RBM43: variants seen among roughly 807,000 people sequenced by gnomAD.
RBM43 encodes RNA binding motif protein 43.
RBM43 carries 12 observed loss-of-function variants against 12.4 expected under a neutral mutation model. The observed-to-expected ratio is 0.97, with a 90% CI of 0.62 to 1.57. The LOEUF is 1.57. RBM43 is among the 40% of genes most tolerant of loss of function. The pLI is 0.00. For synonymous variants in RBM43, 138 were observed against 145.7 expected, an observed-to-expected ratio of 0.95 and a Z score of 0.38; for missense variants, 348 against 400.1, an observed-to-expected ratio of 0.87 and a Z score of 1.11.
In RBM43 at chr2:151,255,666, A is replaced by G. The variant is rs1368126700; in HGVS notation, c.81T>C (p.Phe27=). 6 of 1,613,720 alleles carry G rather than the reference A, an allele frequency of 3.7e-6. No individual in the cohort carries two copies. Among genetic ancestry groups the G allele is most frequent in the South Asian group, 1.1e-5 (1 of 91,076 alleles). Residue 27 remains phenylalanine, a synonymous_variant, in exon 2 of 4, where the codon TTT becomes TTC. Coordinates refer to ENST00000331426, the MANE Select transcript of RBM43 (RefSeq NM_198557.3). ...CTAATACGGCCAATAATTGATCACT[A>G]AAAAGGTCAACTGGAAGACCAGCAA... is the stretch of plus-strand genomic sequence containing the variant. The part of the protein sequence containing the change: ...VVVAGLPVDL[F]SDQLLAVLVK...
chr2:151,253,038 A>G (rs1400828636), intron 2 of RBM43, among the ~76,000 whole-genome samples, 183 bp from the exon 3 acceptor site: 1 of 152,342 alleles, frequency 6.6e-6, no homozygotes, highest in Non-Finnish European at 1.5e-5. Flanking sequence ...TTTTATGTGT[A>G]AATATTATCC....
chr2:151,261,034 C>T lies in RBM43; in HGVS notation c.3+691G>A, dbSNP rs574645494. On this transcript the variant is annotated intron_variant, in intron 1 of 3. Coordinates refer to ENST00000331426, the MANE Select transcript of RBM43 (RefSeq NM_198557.3). ...ATCAGTTGTTTATTTTCAATGACGA[C>T]GCCTCTACCGCCACCAGGTCAACAA... 9.1e-5 allele frequency: 45 copies of T among 495,312 alleles called. 1 individual carries two copies. The highest frequency in any genetic ancestry group is 6.0e-4 in the Admixed American group (18 of 30,014). 30.7% of individuals were successfully genotyped at this position (495,312 alleles called of 1,614,324 possible).
At chr2:151,259,669 T>G (rs1683022005) in intron 1 of RBM43, among the ~76,000 whole-genome samples, 1 of 151,578 alleles carries the variant, frequency 6.6e-6, no homozygotes, top group Non-Finnish European at 1.5e-5. Context: ...CATTGAAAAT[T>G]TAAATATGGT....
rs751721484 is a variant in RBM43, at chr2:151,251,511, G to C, written c.469C>G (p.Leu157Val). 23 of 1,614,168 alleles carry C rather than the reference G, an allele frequency of 1.4e-5. No individual in the cohort carries two copies. The highest frequency in any genetic ancestry group is 1.9e-5 in the Non-Finnish European group (23 of 1,180,036). Reference protein sequence around the residue: ...NGRISVEGSFLAVKRLRESLL... With the variant: ...NGRISVEGSFVAVKRLRESLL... ...GATTCTCTGAGCCTCTTGACAGCCA[G>C]AAATGATCCTTCCACGGAGATTCTT... The change falls in exon 4 of 4, where the codon CTG becomes GTG. Residue 157 changes from leucine (L) to valine (V), a missense_variant. Physicochemically the swap from Leu to Val is conservative, Grantham distance 32. Transcript: ENST00000331426.
intron 1 of RBM43, chr2:151,260,923 A>G (rs1683038082): frequency 6.8e-6 from 2 of 295,858 alleles, no homozygotes; most frequent in South Asian, 6.8e-5. Context: ...CAAAAAGTAT[A>G]TAGCAAAACT....
Position 151,250,835 on chromosome 2 carries a change from G to T in RBM43, c.*71C>A. The T allele has an allele frequency of 9.1e-7, 1 of 1,100,108 alleles. No homozygotes were observed. 68.1% of individuals were successfully genotyped at this position (1,100,108 alleles called of 1,614,324 possible). A position where few individuals can be genotyped will look rare whatever the true frequency, so the allele number is the denominator to read the frequency against. On this transcript the variant is annotated 3_prime_UTR_variant, in exon 4 of 4. Transcript: ENST00000331426. The stretch of plus-strand genomic sequence containing the variant: ...TCATGAGATACGGTGTGTAAAGCTA[G>T]CCTCATTCATGGCAATGGTCACTGC...
chr2:151,261,092 A>T, intron 1 of RBM43: 1 of 796,596 alleles, frequency 1.3e-6, no homozygotes, highest in Non-Finnish European at 1.9e-6. Context: ...CCGGGACTCT[A>T]GCATTTCAGA....
At position 151,251,510 on chromosome 2, in the gene RBM43, A is replaced by G; in HGVS notation, c.470T>C (p.Leu157Pro). ...AGATTCTCTGAGCCTCTTGACAGCC[A>G]GAAATGATCCTTCCACGGAGATTCT... ...NGRISVEGSF[L>P]AVKRLRESLL... The change falls in exon 4 of 4, where the codon CTG (leucine) becomes CCG (proline). Residue 157 changes from leucine to proline, a missense_variant. Transcript: ENST00000331426. The G allele has an allele frequency of 6.2e-7, 1 of 1,614,240 alleles. No homozygotes were observed. The highest frequency in any genetic ancestry group is 8.5e-7 in the Non-Finnish European group (1 of 1,180,042).
At chr2:151,261,630 G>C (rs1683048378) in intron 1 of RBM43, 95 bp downstream of exon 1, 1 of 1,551,220 alleles carries the variant, frequency 6.4e-7, no homozygotes, top group Non-Finnish European at 8.7e-7. Context: ...CCTGCACCCT[G>C]GCCCGTCGCG....
rs10195365 is a variant in RBM43, at chr2:151,258,914, G to A, written c.3+2811C>T. 3.7e-3 allele frequency among the ~76,000 whole-genome samples: 567 copies of A among 152,218 alleles called. 4 individuals carry two copies. Among genetic ancestry groups the A allele is most frequent in the African/African-American group, 0.013 (540 of 41,534 alleles). On this transcript the variant is annotated intron_variant, in intron 1 of 3. Transcript: ENST00000331426. ...TCCCTGCACTTTGGGAGGATGAGGC[G>A]GGCAGATCACCTAAGGTCAGGAGTT...
Position 151,260,089 on chromosome 2 carries a change from C to T in RBM43, c.3+1636G>A, listed in dbSNP as rs183624892. Among the ~76,000 whole-genome samples, 4 of 151,160 alleles carry T rather than the reference C, an allele frequency of 2.6e-5. No homozygotes were observed. The East Asian group carries it at 7.8e-4, about 30-fold the overall frequency. On this transcript the variant is annotated intron_variant, in intron 1 of 3. Transcript: ENST00000331426. ...CCATGTTGACCAGGCTGGTCTCAAA[C>T]TCCTGACCTCGTGATCCGCTCCCCC...
Position 151,250,114 on chromosome 2 carries a change from C to G in RBM43, c.*792G>C, listed in dbSNP as rs1360689537. The stretch of plus-strand genomic sequence containing the variant: ...TACCTGCATAAGATATGCTTTCCAT[C>G]TAAGTAGTTTCCCCAGTGATTTTTG... On this transcript the variant is annotated 3_prime_UTR_variant, in exon 4 of 4. Coordinates refer to ENST00000331426, the MANE Select transcript of RBM43 (RefSeq NM_198557.3). The G allele has an allele frequency of 6.6e-6, 1 of 152,218 alleles. No homozygotes were observed. The highest frequency in any genetic ancestry group is 1.5e-5 in the Non-Finnish European group (1 of 68,038). 9.4% of individuals were successfully genotyped at this position (152,218 alleles called of 1,614,324 possible).
chr2:151,261,554 T>C (rs1262408502), intron 1 of RBM43, 171 bp downstream of exon 1: 1 of 1,543,640 alleles, frequency 6.5e-7, no homozygotes, highest in East Asian at 2.5e-5. Flanking sequence ...CCCGCCGGGG[T>C]GGACGGCTCT....
chr2:151,259,787 G>T (rs1423503833), intron 1 of RBM43, among the ~76,000 whole-genome samples: 2 of 152,184 alleles, frequency 1.3e-5, no homozygotes, highest in Non-Finnish European at 2.9e-5. Flanking sequence ...TCTAAGTGAA[G>T]CACTAGGGAG....
chr2:151,261,613 G>T, intron 1 of RBM43, 112 bp downstream of exon 1: 1 of 1,541,542 alleles, frequency 6.5e-7, no homozygotes, highest in Non-Finnish European at 8.7e-7. Flanking sequence ...GCCCCCTCCC[G>T]CGCAGCCCTG....
At position 151,259,965 on chromosome 2, in the gene RBM43, A is replaced by G. The variant is rs549093719; in HGVS notation, c.3+1760T>C. 4.6e-5 allele frequency among the ~76,000 whole-genome samples: 7 copies of G among 152,036 alleles called. No individual in the cohort carries two copies. In the South Asian group the frequency reaches 1.5e-3, roughly 32 times the overall value. On this transcript the variant is annotated intron_variant, in intron 1 of 3. Coordinates refer to ENST00000331426, the MANE Select transcript of RBM43 (RefSeq NM_198557.3). Reference sequence around the variant, plus strand: ...ACTGCAACCTCCACCTCCCGGGTTCAAGCGATTCTCCTGCCCCAGCCTCCT... The same window carrying G: ...ACTGCAACCTCCACCTCCCGGGTTCGAGCGATTCTCCTGCCCCAGCCTCCT...
Position 151,255,606 on chromosome 2 carries a change from G to T in RBM43, c.141C>A (p.Gly47=), listed in dbSNP as rs374706829. Reference sequence around the variant, plus strand: ...GATATATCACATCTTCAACATCTCCGCCCTCATTCTTAATGTCTTGGAAGT... The same window carrying T: ...GATATATCACATCTTCAACATCTCCTCCCTCATTCTTAATGTCTTGGAAGT... The part of the protein sequence containing the change: ...KSHFQDIKNE[G]GDVEDVIYPT... The change falls in exon 2 of 4, where the codon GGC becomes GGA. Residue 47 remains glycine, a synonymous_variant. Coordinates refer to ENST00000331426, the MANE Select transcript of RBM43 (RefSeq NM_198557.3). 2 of 1,613,036 alleles carry T rather than the reference G, an allele frequency of 1.2e-6. No individual in the cohort carries two copies. Among genetic ancestry groups the T allele is most frequent in the Admixed American group, 3.3e-5 (2 of 59,924 alleles).
chr2:151,255,863 T>C (rs746065168), intron 1 of RBM43, 120 bp from the exon 2 acceptor site: 12 of 721,030 alleles, frequency 1.7e-5, no homozygotes, highest in Non-Finnish European at 2.8e-5. Flanking sequence ...GCTGGTTAGA[T>C]ACTTTTTAAA....
In RBM43 at chr2:151,248,494, C is replaced by T. The variant is rs1030175612; in HGVS notation, c.*2412G>A. The stretch of plus-strand genomic sequence containing the variant: ...GGGAAAGGTCTAGAAAAGAAAGTTT[C>T]AGCCACCTTTGAGACAGTATTTTTT... On this transcript the variant is annotated 3_prime_UTR_variant, in exon 4 of 4. Coordinates refer to ENST00000331426, the MANE Select transcript of RBM43 (RefSeq NM_198557.3). 6.6e-6 allele frequency: 1 copy of T among 152,134 alleles called. No homozygotes were observed. The highest frequency in any genetic ancestry group is 1.5e-5 in the Non-Finnish European group (1 of 68,024). The allele number at this position is 152,134 out of a possible 1,614,324, so 9.4% of individuals were successfully genotyped here. A position where few individuals can be genotyped will look rare whatever the true frequency, so the allele number is the denominator to read the frequency against.
Sources: allele counts gnomAD v4.1 joint callset (sites outside exome capture counted in the v4.1 genomes callset), GRCh38; gene constraint gnomAD v4.1.1; transcripts MANE v1.5; gene names NCBI Gene and HGNC (gene_info 2026-07-23, HGNC 2026-07-21).